PPP2R2B: variants seen among roughly 807,000 people sequenced by gnomAD.
The protein encoded by PPP2R2B is protein phosphatase 2 regulatory subunit Bbeta, also known as serine/threonine-protein phosphatase 2A 55 kDa regulatory subunit B beta isoform.
A neutral mutation model predicts 46.0 loss-of-function variants in PPP2R2B; 5 were observed. That is an observed-to-expected ratio of 0.11 (90% CI 0.06 to 0.23). The LOEUF (loss-of-function observed/expected upper bound fraction) is 0.23. Ranked by LOEUF, PPP2R2B falls within the 10% of genes least tolerant of loss-of-function variation. The probability of loss-of-function intolerance (pLI) is 1.00; values close to 1 mark genes in which losing one functional copy is unlikely to be tolerated. For synonymous variants in PPP2R2B, 215 were observed against 206.7 expected, an observed-to-expected ratio of 1.04 and a Z score of -0.34; for missense variants, 367 against 575.0, an observed-to-expected ratio of 0.64 and a Z score of 3.70.
intron 2 of PPP2R2B, among the ~76,000 whole-genome samples, chr5:146,861,903 T>C (rs1322948446): frequency 1.3e-5 from 2 of 150,626 alleles, no homozygotes; most frequent in Non-Finnish European, 3.0e-5. Flanking sequence ...TCATAGCCAA[T>C]ATTAATAAAC....
intron 7 of PPP2R2B, among the ~76,000 whole-genome samples, chr5:146,632,061 G>GCACCCC (rs1774459847): frequency 9.6e-6 from 1 of 103,998 alleles, no homozygotes; most frequent in Non-Finnish European, 2.0e-5. Flanking sequence ...GCTGAGTTGT[G>GCACCCC]CCCCCCCCCC....
At chr5:146,796,748 T>C (rs950611173) in intron 2 of PPP2R2B, among the ~76,000 whole-genome samples, 1 of 152,222 alleles carries the variant, frequency 6.6e-6, no homozygotes, top group South Asian at 2.1e-4. Flanking sequence ...CAGTTACCAC[T>C]GCCAAAAACC....
intron 2 of PPP2R2B, among the ~76,000 whole-genome samples, chr5:146,866,069 T>G (rs766879400): frequency 2.6e-5 from 4 of 152,228 alleles, no homozygotes; most frequent in Non-Finnish European, 4.4e-5. Context: ...AATACAGCCA[T>G]GTCCACATAC....
intron 1 of PPP2R2B, among the ~76,000 whole-genome samples, chr5:146,982,235 A>G (rs1051133063): frequency 3.3e-5 from 5 of 152,128 alleles, no homozygotes; most frequent in African/African-American, 1.2e-4. Context: ...ATTTGTTGCC[A>G]GGTCCCACAA....
At chr5:146,908,920 C>T (rs1444516377) in intron 1 of PPP2R2B, among the ~76,000 whole-genome samples, 1 of 152,098 alleles carries the variant, frequency 6.6e-6, no homozygotes, top group Non-Finnish European at 1.5e-5. Context: ...TCCTGAGTTG[C>T]CTCCCGAGTA....
At chr5:146,882,150 G>A (rs760061237), upstream of PPP2R2B, among the ~76,000 whole-genome samples, 13 of 151,868 alleles carry the variant, frequency 8.6e-5, no homozygotes, top group Non-Finnish European at 1.0e-4. Context: ...GGTGGCACGC[G>A]CCTGTAGTCC....
intron 1 of PPP2R2B, chr5:146,919,657 T>C (rs1466420050): frequency 6.6e-6 from 1 of 152,182 alleles, no homozygotes; most frequent in East Asian, 1.9e-4. Flanking sequence ...ATACACCCTT[T>C]TAATGGGGTG....
chr5:146,705,274 G>A (rs886775652), intron 2 of PPP2R2B, among the ~76,000 whole-genome samples: 2 of 152,174 alleles, frequency 1.3e-5, no homozygotes, highest in African/African-American at 4.8e-5. Context: ...CTTTATTTCT[G>A]ATGACTGGAT....
intron 2 of PPP2R2B, among the ~76,000 whole-genome samples, chr5:146,714,404 T>G (rs537862262): frequency 6.6e-6 from 1 of 152,050 alleles, no homozygotes; most frequent in Non-Finnish European, 1.5e-5. Context: ...AGCAAAGAAA[T>G]GAGGTGAAAG....
At chr5:147,074,842 C>G (rs1757712871) in intron 2 of PPP2R2B, among the ~76,000 whole-genome samples, 1 of 152,074 alleles carries the variant, frequency 6.6e-6, no homozygotes, top group Admixed American at 6.5e-5. Flanking sequence ...CGATAGAGTA[C>G]CTCATCCTTC....
chr5:146,879,486 C>A (rs1478011175), upstream of PPP2R2B, among the ~76,000 whole-genome samples: 1 of 152,130 alleles, frequency 6.6e-6, no homozygotes, highest in Non-Finnish European at 1.5e-5. Context: ...TTTGCTTGTG[C>A]AGGAACACCT....
intron 9 of PPP2R2B, chr5:146,591,997 CTT>C: frequency 3.2e-6 from 1 of 316,808 alleles, no homozygotes; most frequent in Non-Finnish European, 6.0e-6. Context: ...AGAGGAAAAA[CTT>C]GAGCAATAAT....
chr5:146,810,127 G>A lies in PPP2R2B; in HGVS notation c.70+67875C>T, dbSNP rs190315213. Among the ~76,000 whole-genome samples, 464 of 152,292 alleles carry A rather than the reference G, an allele frequency of 3.0e-3. 6 individuals are homozygous for A. The highest frequency in any genetic ancestry group is 1.9e-3 in the Non-Finnish European group (129 of 68,022). On this transcript the variant is annotated intron_variant, in intron 2 of 9. Transcript: ENST00000394411. ...AAGCCTGACAATTAGCCTTGTGAAA[G>A]TCAGGTATTGTTACTAACATCTCCC...
At chr5:146,799,399 G>A (rs1001144721) in intron 2 of PPP2R2B, among the ~76,000 whole-genome samples, 6 of 152,164 alleles carry the variant, frequency 3.9e-5, no homozygotes, top group Non-Finnish European at 8.8e-5. Context: ...TAAAAGAGGT[G>A]TGAAACCAAT....
rs1368379257 is a variant in PPP2R2B, at chr5:146,581,266, G to C, written c.*8681C>G. On this transcript the variant is annotated 3_prime_UTR_variant, in exon 10 of 10. Coordinates refer to ENST00000394411, the MANE Select transcript of PPP2R2B (RefSeq NM_181675.4). ...CTTACAATCATGGCAGAAGGCAAAG[G>C]GGGAGCCAGCATATCTTACATGGCA... 2 of 152,216 alleles carry C rather than the reference G, an allele frequency of 1.3e-5. No individual in the cohort carries two copies. Among genetic ancestry groups the C allele is most frequent in the African/African-American group, 4.8e-5 (2 of 41,426 alleles). 9.4% of individuals were successfully genotyped at this position (152,216 alleles called of 1,614,324 possible).
intron 1 of PPP2R2B, among the ~76,000 whole-genome samples, chr5:147,033,206 G>T (rs1239163629): frequency 6.6e-6 from 1 of 152,138 alleles, no homozygotes; most frequent in Admixed American, 6.5e-5. Context: ...ATAAATGTTT[G>T]GTCCTGGGCC....
At chr5:146,662,888 A>T (rs1776755532) in intron 5 of PPP2R2B, among the ~76,000 whole-genome samples, 1 of 152,154 alleles carries the variant, frequency 6.6e-6, no homozygotes, top group Admixed American at 6.6e-5. Context: ...GGAATGAAAA[A>T]TTCAGAAAAA....
chr5:146,682,029 T>C (rs1162441478), intron 5 of PPP2R2B, among the ~76,000 whole-genome samples: 1 of 152,190 alleles, frequency 6.6e-6, no homozygotes, highest in Non-Finnish European at 1.5e-5. Flanking sequence ...CAAGAAGCCA[T>C]GGACACCTTC....
At chr5:147,035,378 A>C (rs1231725065) in intron 1 of PPP2R2B, 1 of 266,332 alleles carries the variant, frequency 3.8e-6, no homozygotes, top group Non-Finnish European at 7.4e-6. Flanking sequence ...ACCTCCCCCG[A>C]GTTCCCTTCT....
Sources: allele counts gnomAD v4.1 joint callset (sites outside exome capture counted in the v4.1 genomes callset), GRCh38; gene constraint gnomAD v4.1.1; transcripts MANE v1.5; gene names NCBI Gene and HGNC (gene_info 2026-07-23, HGNC 2026-07-21).